The following NRXN1 variants were observed in gnomAD, a reference collection of about 807,000 sequenced individuals.
NRXN1 encodes the protein neurexin-1.
NRXN1 carries 39 observed loss-of-function variants against 150.9 expected under a neutral mutation model. The observed-to-expected ratio is 0.26, with a 90% CI of 0.20 to 0.34. NRXN1 has a LOEUF of 0.34. Among genes scored for constraint, NRXN1 ranks in the 10% least tolerant of loss-of-function variants. NRXN1 has a pLI of 1.00. For missense variants in NRXN1, 1,815 were observed against 1,949.9 expected (o/e 0.93, Z 1.30); for synonymous variants, 924 against 757.0 (o/e 1.22, Z -3.62).
intron 19 of NRXN1, among the ~76,000 whole-genome samples, chr2:50,056,899 A>G (rs1361472804): frequency 6.6e-6 from 1 of 152,100 alleles, no homozygotes; most frequent in Non-Finnish European, 1.5e-5. Flanking sequence ...ACTTCTGACA[A>G]CTTTATGATT....
At chr2:50,741,347 T>G (rs144388597) in intron 5 of NRXN1, among the ~76,000 whole-genome samples, 44 of 152,290 alleles carry the variant, frequency 2.9e-4, no homozygotes, top group South Asian at 1.7e-3. Context: ...TAAATTCATC[T>G]AGACTATCTA....
At chr2:50,268,099 A>C (rs1403614125) in intron 17 of NRXN1, among the ~76,000 whole-genome samples, 1 of 152,132 alleles carries the variant, frequency 6.6e-6, no homozygotes, top group Non-Finnish European at 1.5e-5. Flanking sequence ...CTGAGGCACA[A>C]GATTTGCTTG....
intron 8 of NRXN1, among the ~76,000 whole-genome samples, chr2:50,580,815 T>G (rs1337248228): frequency 6.6e-6 from 1 of 152,168 alleles, no homozygotes; most frequent in Non-Finnish European, 1.5e-5. Context: ...CCATGCTATG[T>G]TCACAGCTAC....
At chr2:50,915,796 T>A (rs1685137415) in intron 5 of NRXN1, among the ~76,000 whole-genome samples, 1 of 151,218 alleles carries the variant, frequency 6.6e-6, no homozygotes, top group Non-Finnish European at 1.5e-5. Flanking sequence ...TCACCATTAA[T>A]AAAAAGCCTC....
chr2:50,371,755 G>A (rs12477910), intron 17 of NRXN1, among the ~76,000 whole-genome samples: 2 of 128,040 alleles, frequency 1.6e-5, no homozygotes, highest in Admixed American at 1.5e-4. Context: ...AGCTGGGACA[G>A]TTACTGTTGC....
intron 17 of NRXN1, among the ~76,000 whole-genome samples, chr2:50,291,268 C>T (rs1200578594): frequency 3.3e-5 from 5 of 152,054 alleles, no homozygotes; most frequent in Admixed American, 2.6e-4. Flanking sequence ...ATGCATGCAT[C>T]TATTAAAGCA....
chr2:50,928,506 C>T (rs1000693741), intron 2 of NRXN1, among the ~76,000 whole-genome samples: 6 of 152,026 alleles, frequency 3.9e-5, no homozygotes, highest in African/African-American at 1.4e-4. Flanking sequence ...GCATTTACAA[C>T]CATTCTCCAG....
chr2:50,037,375 C>G (rs972014803), intron 21 of NRXN1, among the ~76,000 whole-genome samples: 2 of 151,930 alleles, frequency 1.3e-5, no homozygotes, highest in Non-Finnish European at 2.9e-5. Context: ...GGCTAATAAC[C>G]AAAATCTTCC....
chr2:51,015,514 A>T (rs867663299), intron 2 of NRXN1, among the ~76,000 whole-genome samples: 10 of 152,196 alleles, frequency 6.6e-5, no homozygotes, highest in Non-Finnish European at 8.8e-5. Flanking sequence ...CTCTGGGAAC[A>T]TGAACAGCTC....
At chr2:50,023,885 A>G (rs1339635581) in intron 21 of NRXN1, 1 of 152,242 alleles carries the variant, frequency 6.6e-6, no homozygotes, top group Non-Finnish European at 1.5e-5. Flanking sequence ...GTATGCCACC[A>G]AGAAAAATTA....
chr2:50,541,850 C>G (rs979382828), intron 9 of NRXN1, among the ~76,000 whole-genome samples: 1 of 151,984 alleles, frequency 6.6e-6, no homozygotes, highest in Non-Finnish European at 1.5e-5. Context: ...ATTTTAGCAC[C>G]AGCTAAAATG....
rs530775765 is a variant in NRXN1, at chr2:50,178,820, C to A, written c.3546+57969G>T. Among the ~76,000 whole-genome samples the A allele has an allele frequency of 3.3e-5, 5 of 152,156 alleles. 1 individual carries two copies. Among genetic ancestry groups the A allele is most frequent in the African/African-American group, 1.2e-4 (5 of 41,520 alleles). On this transcript the variant is annotated intron_variant, in intron 18 of 22. Transcript: ENST00000401669. ...TGCCAATGAAAAGAGCTTTGAGAAC[C>A]ATGTTAGCTTGTAGCTGCCAAAGAC... is the stretch of plus-strand genomic sequence containing the variant.
intron 5 of NRXN1, among the ~76,000 whole-genome samples, chr2:50,836,708 T>C (rs764544107): frequency 2.0e-4 from 30 of 152,050 alleles, no homozygotes; most frequent in Non-Finnish European, 3.4e-4. Context: ...ATTTTTTTAA[T>C]CCATTTATCA....
chr2:50,477,000 G>A (rs2090045371), intron 15 of NRXN1, among the ~76,000 whole-genome samples: 1 of 152,072 alleles, frequency 6.6e-6, no homozygotes, highest in Admixed American at 6.6e-5. Flanking sequence ...TTGCAAAGTG[G>A]GGGAGCATAC....
At chr2:50,998,941 C>G (rs1158226940) in intron 2 of NRXN1, among the ~76,000 whole-genome samples, 1 of 151,924 alleles carries the variant, frequency 6.6e-6, no homozygotes, top group Non-Finnish European at 1.5e-5. Flanking sequence ...AAGTATTCAA[C>G]AAGTGGATAC....
At chr2:50,194,530 C>A (rs938518621) in intron 18 of NRXN1, among the ~76,000 whole-genome samples, 2 of 152,078 alleles carry the variant, frequency 1.3e-5, no homozygotes, top group African/African-American at 4.8e-5. Flanking sequence ...AACTTCAAAA[C>A]GTATTAGCTG....
At chr2:49,941,996 G>T (rs1466246007) in intron 22 of NRXN1, among the ~76,000 whole-genome samples, 11 of 152,022 alleles carry the variant, frequency 7.2e-5, no homozygotes, top group African/African-American at 1.9e-4. Context: ...GACTTTTTTT[G>T]TTGTTGTTGT....
At chr2:50,918,854 A>T (rs923266310) in intron 5 of NRXN1, 2 of 223,634 alleles carry the variant, frequency 8.9e-6, no homozygotes, top group African/African-American at 4.5e-5. Context: ...AAAAAATGTG[A>T]TCCAAATTTC....
chr2:50,731,708 A>T (rs552287406), intron 5 of NRXN1, among the ~76,000 whole-genome samples: 1 of 152,336 alleles, frequency 6.6e-6, no homozygotes, highest in Non-Finnish European at 1.5e-5. Flanking sequence ...CATTTCAAAG[A>T]TACTTCCCAG....
Sources: allele counts gnomAD v4.1 joint callset (sites outside exome capture counted in the v4.1 genomes callset), GRCh38; gene constraint gnomAD v4.1.1; transcripts MANE v1.5; gene names NCBI Gene and HGNC (gene_info 2026-07-23, HGNC 2026-07-21).